Variants in CD5 observed in about 807,000 individuals in gnomAD.
CD5 encodes T-cell surface glycoprotein CD5.
In CD5, 36 loss-of-function variants were observed where a neutral mutation model predicts 60.3. The ratio of observed to expected loss-of-function variants is 0.60; its 90% CI spans 0.46 to 0.79. The LOEUF is 0.79. Ranked by LOEUF, CD5 falls within the 30% of genes least tolerant of loss-of-function variation. CD5 has a pLI of 0.00. For synonymous variants in CD5, 230 were observed against 257.6 expected (o/e 0.89, Z 1.03); for missense variants, 540 against 630.6 (o/e 0.86, Z 1.54).
Position 61,121,906 on chromosome 11 carries a change from T to G in CD5, c.1099+2T>G. 1 of 1,530,526 alleles carries G rather than the reference T, an allele frequency of 6.5e-7. No individual in the cohort carries two copies. Among genetic ancestry groups the G allele is most frequent in the Non-Finnish European group, 8.8e-7 (1 of 1,130,148 alleles). The allele number at this position is 1,530,526 out of a possible 1,614,324, so 94.8% of individuals were successfully genotyped here. A position where few individuals can be genotyped will look rare whatever the true frequency, so the allele number is the denominator to read the frequency against. On this transcript the variant is annotated splice_donor_variant, in intron 6 of 10. Transcript: ENST00000347785. LOFTEE classifies it high-confidence loss of function. Reference sequence around the variant, plus strand: ...ACTGCAAGAAGGTGTTTGTCACATGTGAGTTGGCCACAGCCCACAGTGGGT... The same window carrying G: ...ACTGCAAGAAGGTGTTTGTCACATGGGAGTTGGCCACAGCCCACAGTGGGT...
intron 2 of CD5, among the ~76,000 whole-genome samples, chr11:61,117,808 T>C (rs1860987151): frequency 6.6e-6 from 1 of 152,208 alleles, no homozygotes. Context: ...CTAAAATTAA[T>C]TTTTAAAGAT....
chr11:61,124,099 C>T (rs970166421), intron 8 of CD5, among the ~76,000 whole-genome samples, 162 bp downstream of exon 8: 1 of 152,194 alleles, frequency 6.6e-6, no homozygotes, highest in Non-Finnish European at 1.5e-5. Context: ...CAGACGTCCC[C>T]ACACCAGGGA....
At chr11:61,111,725 C>T (rs1860858174) in intron 1 of CD5, among the ~76,000 whole-genome samples, 1 of 152,220 alleles carries the variant, frequency 6.6e-6, no homozygotes. Flanking sequence ...CATGGCTTGG[C>T]TCTCTGTGCT....
intron 4 of CD5, 23 bp from the exon 5 acceptor site, chr11:61,119,211 C>T: frequency 6.4e-7 from 1 of 1,551,448 alleles, no homozygotes; most frequent in Non-Finnish European, 8.7e-7. Flanking sequence ...GGTGGCTCCC[C>T]CTCCTGCTCT....
chr11:61,118,188 G>C lies in CD5; in HGVS notation c.108G>C (p.Arg36Ser), dbSNP rs141935047. 2 of 1,613,696 alleles carry C rather than the reference G, an allele frequency of 1.2e-6. No homozygotes were observed. The highest frequency in any genetic ancestry group is 1.7e-4 in the Middle Eastern group (1 of 6,042). ...LSWYDPDFQARLTRSNSKCQG... is the reference protein window; with the variant it reads ...LSWYDPDFQASLTRSNSKCQG... ...TCTGACCCCCAGATTTCCAGGCAAGGCTCACCCGTTCCAACTCGAAGTGCC... is the reference window on the plus strand; with the variant it reads ...TCTGACCCCCAGATTTCCAGGCAAGCCTCACCCGTTCCAACTCGAAGTGCC... The change falls in exon 3 of 11, where the codon AGG becomes AGC. Residue 36 changes from arginine to serine, a missense_variant. Coordinates refer to ENST00000347785, the MANE Select transcript of CD5 (RefSeq NM_014207.4). This position sits in a 1 kb window ranked among gnomAD's most constrained non-coding sequence, Gnocchi z 4.7.
Position 61,125,106 on chromosome 11 carries a change from G to T in CD5, c.1354G>T (p.Glu452Ter), listed in dbSNP as rs770948807. 8.1e-6 allele frequency: 13 copies of T among 1,614,056 alleles called. No individual in the cohort carries two copies. The highest frequency in any genetic ancestry group is 1.0e-5 in the Non-Finnish European group (12 of 1,179,988). ...ENPTASHVDN[E>*]YSQPPRNSHL... is the part of the protein sequence containing the mutation. ...CCCCACAGCCTCCCACGTGGATAACGAATACAGCCAACCTCCCAGGAACTC... is the reference window on the plus strand; with the variant it reads ...CCCCACAGCCTCCCACGTGGATAACTAATACAGCCAACCTCCCAGGAACTC... The change falls in exon 9 of 11, where the codon GAA becomes TAA. Residue 452 changes from glutamate (E) to a stop codon, truncating the protein, a stop_gained. Coordinates refer to ENST00000347785, the MANE Select transcript of CD5 (RefSeq NM_014207.4). LOFTEE classifies it high-confidence loss of function.
At chr11:61,119,807 G>A (rs2134607476) in intron 5 of CD5, among the ~76,000 whole-genome samples, 1 of 152,300 alleles carries the variant, frequency 6.6e-6, no homozygotes, top group Non-Finnish European at 1.5e-5. Context: ...AAGCCCAAAG[G>A]AACCGCTGGC....
At chr11:61,108,386 C>G (rs1483500720) in intron 1 of CD5, among the ~76,000 whole-genome samples, 1 of 152,212 alleles carries the variant, frequency 6.6e-6, no homozygotes, top group Non-Finnish European at 1.5e-5. Context: ...TTCCTTCCTG[C>G]GGGCTCCATT....
chr11:61,094,087 C>T, the CD5 span, among the ~76,000 whole-genome samples: 1 of 152,000 alleles, frequency 6.6e-6, no homozygotes, highest in Non-Finnish European at 1.5e-5. Context: ...AAGTGATTAA[C>T]GGACAGTTGA....
chr11:61,119,919 T>C (rs1282308668), intron 5 of CD5, among the ~76,000 whole-genome samples: 6 of 152,084 alleles, frequency 3.9e-5, no homozygotes, highest in Admixed American at 3.9e-4. Flanking sequence ...GTAGGAATTA[T>C]GGCTTGTGCC....
At chr11:61,115,139 T>A in intron 2 of CD5, 45 bp downstream of exon 2, 1 of 1,522,982 alleles carries the variant, frequency 6.6e-7, no homozygotes. Context: ...AGGGGGAGAG[T>A]GGGGCTGTGG....
At position 61,105,631 on chromosome 11, in the gene CD5, C is replaced by G. The variant is rs547625435; in HGVS notation, c.55+3016C>G. Reference sequence around the variant, plus strand: ...GGGTCTTGCCAGAGGCCTGCACAGCCGTCAATCTCTCTACCCCTCAATCCT... The same window carrying G: ...GGGTCTTGCCAGAGGCCTGCACAGCGGTCAATCTCTCTACCCCTCAATCCT... On this transcript the variant is annotated intron_variant, in intron 1 of 10. Coordinates refer to ENST00000347785, the MANE Select transcript of CD5 (RefSeq NM_014207.4). Among the ~76,000 whole-genome samples, 28 of 152,262 alleles carry G rather than the reference C, an allele frequency of 1.8e-4. No individual in the cohort carries two copies. In the East Asian group the frequency reaches 5.2e-3, roughly 28 times the overall value.
chr11:61,110,028 G>A (rs1860830209), intron 1 of CD5, among the ~76,000 whole-genome samples: 1 of 152,158 alleles, frequency 6.6e-6, no homozygotes, highest in Admixed American at 6.5e-5. Context: ...AGGAAGGATG[G>A]TGCAGGAGTA....
upstream of CD5, among the ~76,000 whole-genome samples, chr11:61,099,466 T>A (rs1860627529): frequency 4.8e-5 from 1 of 20,852 alleles, no homozygotes; most frequent in Admixed American, 6.5e-4. Context: ...TACACATACA[T>A]CAACATGGAG....
At chr11:61,119,191 C>T (rs373898367) in intron 4 of CD5, 43 bp from the exon 5 acceptor site, 11 of 1,504,092 alleles carry the variant, frequency 7.3e-6, no homozygotes, top group East Asian at 4.5e-5. Context: ...AGGAAGCCCT[C>T]GGCGCTCAGG....
the CD5 span, among the ~76,000 whole-genome samples, chr11:61,094,850 G>C: frequency 2.0e-5 from 3 of 152,150 alleles, no homozygotes; most frequent in African/African-American, 7.2e-5. Flanking sequence ...CAGCATTAGA[G>C]GTGGGTTGGC....
At chr11:61,096,237 T>G in the CD5 span, among the ~76,000 whole-genome samples, 1 of 152,316 alleles carries the variant, frequency 6.6e-6, no homozygotes, top group East Asian at 1.9e-4. Flanking sequence ...GAAAGATAAG[T>G]GTCCCCAACT....
At chr11:61,123,813 C>CAGG in intron 7 of CD5, 71 bp from the exon 8 acceptor site, 4 of 428,170 alleles carry the variant, frequency 9.3e-6, no homozygotes, top group Middle Eastern at 6.9e-4. Context: ...CCAGCCCCAT[C>CAGG]CCCACCCCTG....
In CD5 at chr11:61,121,721, G is replaced by A. The variant is rs1390314930; in HGVS notation, c.916G>A (p.Ala306Thr). ...GGCAGCCCTGTGTGACAGCTCTTCA[G>A]CCAGGAGCTCGCTGCGGTGGGAGGA... ...QWAALCDSSS[A>T]RSSLRWEEVC... The change falls in exon 6 of 11, where the codon GCC becomes ACC. Residue 306 changes from alanine (A) to threonine (T), a missense_variant. Physicochemically the swap from Ala to Thr is moderately conservative, Grantham distance 58. Transcript: ENST00000347785. 6.2e-7 allele frequency: 1 copy of A among 1,609,880 alleles called. No homozygotes were observed. The highest frequency in any genetic ancestry group is 8.5e-7 in the Non-Finnish European group (1 of 1,177,108).
Sources: allele counts gnomAD v4.1 joint callset (sites outside exome capture counted in the v4.1 genomes callset), GRCh38; gene constraint gnomAD v4.1.1; non-coding constraint Gnocchi (gnomAD v3.1); transcripts MANE v1.5; gene names NCBI Gene and HGNC (gene_info 2026-07-23, HGNC 2026-07-21).